The following MZF1 variants were observed in gnomAD, a reference collection of about 807,000 sequenced individuals.
MZF1 encodes zinc finger and SCAN domain-containing protein 6.
Under a neutral mutation model 28.6 loss-of-function variants are expected in MZF1, and 24 were observed. The observed-to-expected ratio is 0.84, with a 90% CI of 0.61 to 1.18. The LOEUF (loss-of-function observed/expected upper bound fraction) is 1.18, where lower values mean the gene tolerates loss of function less well. Ranked by LOEUF, MZF1 falls within the 50% of genes most tolerant of loss-of-function variation. MZF1 has a pLI of 0.00. For missense variants in MZF1, 1,166 were observed against 1,026.4 expected, an observed-to-expected ratio of 1.14 and a Z score of -1.86; for synonymous variants, 516 against 432.5, an observed-to-expected ratio of 1.19 and a Z score of -2.40.
chr19:58,562,905 G>A lies in MZF1; in HGVS notation c.1372C>T (p.His458Tyr), dbSNP rs1160991104. The change falls in exon 6 of 6, where the codon CAC becomes TAC. Residue 458 changes from histidine (H) to tyrosine (Y), a missense_variant. By Grantham distance (83) the His-to-Tyr change is moderately conservative. Transcript: ENST00000215057. ...GGGGGATCGCCGTGGATGCGCTGGT[G>A]CTGCAGCAGATTGGAGCGCTGCCGG... ...SFRQRSNLLQ[H>Y]QRIHGDPPGP... 6.3e-7 allele frequency: 1 copy of A among 1,586,818 alleles called. No individual in the cohort carries two copies. Among genetic ancestry groups the A allele is most frequent in the Non-Finnish European group, 8.5e-7 (1 of 1,172,228 alleles).
At position 58,571,251 on chromosome 19, in the gene MZF1, A is replaced by G. The variant is rs765116020; in HGVS notation, c.139T>C (p.Phe47Leu). ...GCCTCCTCATAGCGGAAGCACCGGAAACGCAGGCGTGCAGCTTCAGGGCCT... is the reference window on the plus strand; with the variant it reads ...GCCTCCTCATAGCGGAAGCACCGGAGACGCAGGCGTGCAGCTTCAGGGCCT... ...DPGPEAARLR[F>L]RCFRYEEATG... Residue 47 changes from phenylalanine to leucine, a missense_variant, in exon 2 of 6, where the codon TTC becomes CTC. Coordinates refer to ENST00000215057, the MANE Select transcript of MZF1 (RefSeq NM_198055.2). 8.1e-6 allele frequency: 13 copies of G among 1,612,892 alleles called. No homozygotes were observed. Among genetic ancestry groups the G allele is most frequent in the Non-Finnish European group, 1.1e-5 (13 of 1,179,466 alleles).
chr19:58,565,644 T>C (rs2054035416), intron 5 of MZF1, among the ~76,000 whole-genome samples: 1 of 151,880 alleles, frequency 6.6e-6, no homozygotes, highest in Non-Finnish European at 1.5e-5. Flanking sequence ...GCCATTCTCC[T>C]GCCTCAGCCA....
At chr19:58,572,472 C>A in intron 1 of MZF1, 1 of 1,141,014 alleles carries the variant, frequency 8.8e-7, no homozygotes, top group Non-Finnish European at 1.2e-6. Flanking sequence ...GCAAGGAAGT[C>A]CCGAGACTCT....
In MZF1 at chr19:58,571,383, G is replaced by T; in HGVS notation, c.7C>A (p.Pro3Thr). The T allele has an allele frequency of 6.2e-7, 1 of 1,614,086 alleles. No homozygotes were observed. The highest frequency in any genetic ancestry group is 8.5e-7 in the Non-Finnish European group (1 of 1,179,998). Residue 3 changes from proline (P) to threonine (T), a missense_variant, in exon 2 of 6, where the codon CCT (proline) becomes ACT (threonine). Coordinates refer to ENST00000215057, the MANE Select transcript of MZF1 (RefSeq NM_198055.2). ...CGGTCTGGGGAGCCCAGCACCGCAG[G>T]CCTCATAGAGGGTACCAGGTCAGGT... MR[P>T]AVLGSPDRAP...
rs955089881 is a variant in MZF1, at chr19:58,571,743, G to A, written c.-40-314C>T. 3 of 245,198 alleles carry A rather than the reference G, an allele frequency of 1.2e-5. No individual in the cohort carries two copies. The East Asian group carries it at 2.7e-4, about 22-fold the overall frequency. The allele number at this position is 245,198 out of a possible 1,614,324, so 15.2% of individuals were successfully genotyped here. A position where few individuals can be genotyped will look rare whatever the true frequency, so the allele number is the denominator to read the frequency against. The stretch of plus-strand genomic sequence containing the variant: ...GTTGCCCAGGCTGAAGTGCAGTGGC[G>A]AGATCATGCGTCACTGCAGACTTGA... On this transcript the variant is annotated intron_variant, in intron 1 of 5. Coordinates refer to ENST00000215057, the MANE Select transcript of MZF1 (RefSeq NM_198055.2).
chr19:58,563,460 CACT>C lies in MZF1; in HGVS notation c.814_816del (p.Ser272del). The C allele has an allele frequency of 6.3e-7, 1 of 1,577,232 alleles. No homozygotes were observed. Among genetic ancestry groups the C allele is most frequent in the Non-Finnish European group, 8.6e-7 (1 of 1,161,274 alleles). On this transcript the variant is annotated inframe_deletion, in exon 6 of 6. Transcript: ENST00000215057. ...CAGGGGACGTGGAGGTGAGGGCTTA[CACT>C]ACCTGGACCTGCGGAGATGCTGCCT... is the stretch of plus-strand genomic sequence containing the variant.
chr19:58,569,658 G>C, intron 3 of MZF1, 72 bp from the exon 4 acceptor site: 1 of 1,321,904 alleles, frequency 7.6e-7, no homozygotes, highest in Non-Finnish European at 1.1e-6. Context: ...TGGTGTGCCA[G>C]GTGCTGGGAT....
At position 58,570,395 on chromosome 19, in the gene MZF1, A is replaced by C. The variant is rs751818462; in HGVS notation, c.529T>G (p.Ser177Ala). ...TCTTTCACCTGCAGGCCCAGTGGTG[A>C]TTCCTGCATAGTCCTAGGAGGTGTC... ...PKTPPRTMQE[S>A]PLGLQVKEES... Residue 177 changes from serine (S) to alanine (A), a missense_variant, in exon 3 of 6, where the codon TCA becomes GCA. Transcript: ENST00000215057. 1.2e-6 allele frequency: 2 copies of C among 1,613,378 alleles called. No homozygotes were observed.
intron 5 of MZF1, among the ~76,000 whole-genome samples, chr19:58,567,535 C>G (rs886286459): frequency 3.3e-5 from 5 of 152,228 alleles, no homozygotes; most frequent in Non-Finnish European, 7.3e-5. Flanking sequence ...GCTGAAGTTA[C>G]CTTCTTGCAG....
At position 58,562,914 on chromosome 19, in the gene MZF1, G is replaced by C. The variant is rs1293850350; in HGVS notation, c.1363C>G (p.Leu455Val). Residue 455 changes from leucine (L) to valine (V), a missense_variant, in exon 6 of 6, where the codon CTG (leucine) becomes GTG (valine). Physicochemically the swap from Leu to Val is conservative, Grantham distance 32 (BLOSUM62 1). Coordinates refer to ENST00000215057, the MANE Select transcript of MZF1 (RefSeq NM_198055.2). ...CGQSFRQRSN[L>V]LQHQRIHGDP... ...CCGTGGATGCGCTGGTGCTGCAGCA[G>C]ATTGGAGCGCTGCCGGAAGCTCTGG... 1.3e-6 allele frequency: 2 copies of C among 1,591,772 alleles called. No homozygotes were observed. The highest frequency in any genetic ancestry group is 1.7e-6 in the Non-Finnish European group (2 of 1,174,496).
At chr19:58,569,489 G>A (rs2054117261) in intron 4 of MZF1, 27 bp downstream of exon 4, 1 of 1,613,034 alleles carries the variant, frequency 6.2e-7, no homozygotes, top group Admixed American at 1.7e-5. Flanking sequence ...GGGAAAGGAG[G>A]AGAACATGGA....
At chr19:58,570,929 G>T in intron 2 of MZF1, 65 bp downstream of exon 2, 1 of 1,506,486 alleles carries the variant, frequency 6.6e-7, no homozygotes, top group Non-Finnish European at 9.0e-7. Flanking sequence ...GCGTGGTGCT[G>T]CCCAGGGTGA....
At chr19:58,565,417 AC>A (rs2054028923) in intron 5 of MZF1, among the ~76,000 whole-genome samples, 1 of 147,814 alleles carries the variant, frequency 6.8e-6, no homozygotes, top group Non-Finnish European at 1.5e-5. Flanking sequence ...TTTAGTAGAG[AC>A]ATGGTTTCAC....
chr19:58,569,027 A>C, intron 5 of MZF1: 2 of 423,220 alleles, frequency 4.7e-6, no homozygotes, highest in Non-Finnish European at 8.4e-6. Context: ...CCTGCTTGCA[A>C]AAGGTTTTAC....
At position 58,562,846 on chromosome 19, in the gene MZF1, A is replaced by T; in HGVS notation, c.1431T>A (p.Gly477=). ...GAAAGGGGCCGGGAGGCTCGGGCGCACCAGGAGGGGCCGGGGGCTTAGCGC... is the reference window on the plus strand; with the variant it reads ...GAAAGGGGCCGGGAGGCTCGGGCGCTCCAGGAGGGGCCGGGGGCTTAGCGC... The part of the protein sequence containing the change: ...GPGAKPPAPP[G]APEPPGPFPC... The change falls in exon 6 of 6, where the codon GGT becomes GGA. Residue 477 remains glycine, a synonymous_variant. Transcript: ENST00000215057. 6.5e-7 allele frequency: 1 copy of T among 1,537,614 alleles called. No individual in the cohort carries two copies. The highest frequency in any genetic ancestry group is 8.7e-7 in the Non-Finnish European group (1 of 1,148,750).
intron 2 of MZF1, 138 bp from the exon 3 acceptor site, chr19:58,570,665 C>T (rs2054142838): frequency 2.2e-6 from 2 of 912,402 alleles, no homozygotes; most frequent in South Asian, 3.5e-5. Context: ...CCTCCAAGGA[C>T]CTACCTCCCC....
At chr19:58,569,939 G>A (rs1167417009) in intron 3 of MZF1, 2 of 321,554 alleles carry the variant, frequency 6.2e-6, no homozygotes, top group East Asian at 1.2e-4. Flanking sequence ...CCTGGGAGGT[G>A]AAAGGGGTCA....
intron 1 of MZF1, 199 bp from the exon 2 acceptor site, chr19:58,571,628 T>G: frequency 3.5e-6 from 2 of 566,482 alleles, no homozygotes; most frequent in South Asian, 4.5e-5. Context: ...CCTGGTCTTC[T>G]CTCCGCTTGG....
chr19:58,568,636 G>C (rs1034422611), intron 5 of MZF1: 2 of 152,286 alleles, frequency 1.3e-5, no homozygotes, highest in Non-Finnish European at 2.9e-5. Flanking sequence ...GGACATGTCA[G>C]AATTTTATCT....
Sources: allele counts gnomAD v4.1 joint callset (sites outside exome capture counted in the v4.1 genomes callset), GRCh38; gene constraint gnomAD v4.1.1; transcripts MANE v1.5; gene names NCBI Gene and HGNC (gene_info 2026-07-23, HGNC 2026-07-21).